Variants in NRXN1 observed in about 807,000 individuals in gnomAD.
The protein encoded by NRXN1 is neurexin 1.
In NRXN1, 39 loss-of-function variants were observed where a neutral mutation model predicts 150.9. The ratio of observed to expected loss-of-function variants is 0.26; its 90% confidence interval spans 0.20 to 0.34. NRXN1 has a LOEUF of 0.34. NRXN1 is among the 10% of genes least tolerant of loss of function. NRXN1 has a pLI of 1.00. For synonymous variants in NRXN1, 924 were observed against 757.0 expected (o/e 1.22, Z -3.62); for missense variants, 1,815 against 1,949.9 (o/e 0.93, Z 1.30).
chr2:50,476,797 G>A (rs2090026576), intron 15 of NRXN1, among the ~76,000 whole-genome samples: 2 of 152,052 alleles, frequency 1.3e-5, no homozygotes, highest in African/African-American at 4.8e-5. Context: ...GAGCTCCTTT[G>A]ACTTAATTTG....
chr2:50,645,777 G>GA (rs1222461748), intron 5 of NRXN1, among the ~76,000 whole-genome samples: 8 of 151,868 alleles, frequency 5.3e-5, no homozygotes, highest in Non-Finnish European at 2.9e-5. Context: ...GTGCTTAAAA[G>GA]AAAAAATCCA....
intron 17 of NRXN1, among the ~76,000 whole-genome samples, chr2:50,256,721 C>T (rs1355078159): frequency 2.0e-5 from 3 of 152,130 alleles, no homozygotes; most frequent in African/African-American, 7.2e-5. Flanking sequence ...TTCTCTTTTA[C>T]AGCTTGAAGG....
chr2:50,697,572 C>A (rs1217123485), intron 5 of NRXN1, among the ~76,000 whole-genome samples: 1 of 152,166 alleles, frequency 6.6e-6, no homozygotes, highest in Non-Finnish European at 1.5e-5. Flanking sequence ...TCATCCGAAC[C>A]TAACGCGACA....
intron 5 of NRXN1, among the ~76,000 whole-genome samples, chr2:50,828,218 GCCGGGCAGAGGCACCC>G (rs1670772690): frequency 6.6e-6 from 1 of 151,144 alleles, no homozygotes; most frequent in Non-Finnish European, 1.5e-5. Flanking sequence ...GGACGGGGCG[GCCGGGCAGAGGCACCC>G]CTCACCTCCC....
intron 17 of NRXN1, among the ~76,000 whole-genome samples, chr2:50,353,302 T>C (rs540564740): frequency 1.4e-3 from 215 of 152,260 alleles, no homozygotes; most frequent in African/African-American, 4.8e-3. Context: ...GTTGCAGGCA[T>C]CACAGGAGCA....
chr2:50,687,225 G>A (rs1691368214), intron 5 of NRXN1, among the ~76,000 whole-genome samples: 1 of 152,148 alleles, frequency 6.6e-6, no homozygotes, highest in Admixed American at 6.5e-5. Context: ...TCCTGGGAAG[G>A]AGCAATTCTG....
In NRXN1 at chr2:50,841,087, G is replaced by C. The variant is rs139427728; in HGVS notation, c.832+80782C>G. 16 of 152,696 alleles carry C rather than the reference G, an allele frequency of 1.0e-4. No homozygotes were observed. In the East Asian group the frequency reaches 3.1e-3, roughly 29 times the overall value. 9.5% of individuals were successfully genotyped at this position (152,696 alleles called of 1,614,324 possible). A position where few individuals can be genotyped will look rare whatever the true frequency, so the allele number is the denominator to read the frequency against. ...ATGTTAATGTAGAAATAACTTCTAT[G>C]CTCATTTAGCCACTTCAGCACATCC... On this transcript the variant is annotated intron_variant, in intron 5 of 22. Transcript: ENST00000401669.
chr2:50,204,370 G>A (rs1370041576), intron 18 of NRXN1, among the ~76,000 whole-genome samples: 4 of 146,486 alleles, frequency 2.7e-5, no homozygotes, highest in South Asian at 2.2e-4. Flanking sequence ...GTGTGTGTGT[G>A]TGTATGTTTG....
intron 17 of NRXN1, among the ~76,000 whole-genome samples, chr2:50,451,516 A>G (rs2086964061): frequency 6.6e-6 from 1 of 152,178 alleles, no homozygotes; most frequent in Admixed American, 6.5e-5. Flanking sequence ...CAGATGAGCA[A>G]TTTAGAAGGG....
chr2:50,790,327 T>C (rs996536955), intron 5 of NRXN1, among the ~76,000 whole-genome samples: 4 of 152,194 alleles, frequency 2.6e-5, no homozygotes, highest in Non-Finnish European at 5.9e-5. Context: ...TAATAACTCA[T>C]TAGAGATAGA....
rs1667920118 is a variant in NRXN1 at position 49,920,011 on chromosome 2, T to A, written c.*1933A>T. On this transcript the variant is annotated 3_prime_UTR_variant, in exon 23 of 23. Coordinates refer to ENST00000401669, the MANE Select transcript of NRXN1 (RefSeq NM_001330078.2). ...TTTTTATCGTTCTTTTAGAAGGTAT[T>A]CAAGTAATGCAACCAATTTTTCCTG... 6.6e-6 allele frequency: 1 copy of A among 152,178 alleles called. No homozygotes were observed. Among genetic ancestry groups the A allele is most frequent in the South Asian group, 2.1e-4 (1 of 4,836 alleles). The allele number at this position is 152,178 out of a possible 1,614,324, so 9.4% of individuals were successfully genotyped here.
chr2:50,744,596 C>A (rs905128763), intron 5 of NRXN1, among the ~76,000 whole-genome samples: 1 of 152,010 alleles, frequency 6.6e-6, no homozygotes, highest in African/African-American at 2.4e-5. Context: ...TATTGACCTT[C>A]GGAAACTTGT....
intron 17 of NRXN1, among the ~76,000 whole-genome samples, chr2:50,256,691 C>T (rs537276827): frequency 9.2e-5 from 14 of 152,188 alleles, no homozygotes; most frequent in Non-Finnish European, 1.2e-4. Flanking sequence ...TAGATAACTG[C>T]GTAGAGCCTA....
chr2:50,596,184 T>C (rs1203477700), intron 8 of NRXN1, among the ~76,000 whole-genome samples: 2 of 152,190 alleles, frequency 1.3e-5, no homozygotes, highest in African/African-American at 2.4e-5. Flanking sequence ...TAAAAATACA[T>C]TGCTTCTTTC....
chr2:50,346,139 T>C lies in NRXN1; in HGVS notation c.3365-109169A>G, dbSNP rs984735926. Among the ~76,000 whole-genome samples the C allele has an allele frequency of 6.6e-5, 10 of 152,262 alleles. No homozygotes were observed. The highest frequency in any genetic ancestry group is 2.4e-4 in the African/African-American group (10 of 41,558). ...GGGAAGGCGTGGGGGCAAAAGTAAT[T>C]GGCCTCCTGTTGAGTGAGTCCCAGG... On this transcript the variant is annotated intron_variant, in intron 17 of 22. Transcript: ENST00000401669. The surrounding 1 kb of genome is among the most constrained non-coding windows in gnomAD (Gnocchi z 5.0).
At chr2:50,978,121 AAT>A (rs1456081029) in intron 2 of NRXN1, among the ~76,000 whole-genome samples, 1 of 150,774 alleles carries the variant, frequency 6.6e-6, no homozygotes, top group Admixed American at 6.6e-5. Context: ...ACTGTTCCAA[AAT>A]ATATATATTC....
At chr2:50,580,432 A>C (rs374844332) in intron 8 of NRXN1, among the ~76,000 whole-genome samples, 18 of 151,860 alleles carry the variant, frequency 1.2e-4, no homozygotes, top group African/African-American at 3.6e-4. Context: ...GTGTTAATTA[A>C]CTAAGGTCTG....
chr2:50,629,872 C>T (rs149412947), intron 5 of NRXN1, among the ~76,000 whole-genome samples: 17 of 151,492 alleles, frequency 1.1e-4, no homozygotes, highest in Admixed American at 2.0e-4. Flanking sequence ...TATATATATA[C>T]GCTGCTTGGT....
At chr2:50,370,303 A>G (rs1413925053) in intron 17 of NRXN1, among the ~76,000 whole-genome samples, 1 of 152,004 alleles carries the variant, frequency 6.6e-6, no homozygotes. Context: ...CCATAAAGCC[A>G]TGGTTTAATA....
Sources: gnomAD v4.1 joint callset for allele counts (sites outside exome capture counted in the v4.1 genomes callset) on GRCh38, gnomAD v4.1.1 for gene constraint, Gnocchi (gnomAD v3.1) non-coding constraint, MANE v1.5 for transcripts, NCBI Gene and HGNC (gene_info 2026-07-23, HGNC 2026-07-21) for gene names.